Variants in PAX5 observed in about 807,000 individuals in gnomAD.
PAX5 encodes paired box protein Pax-5.
In PAX5, 9 loss-of-function variants were observed where a neutral mutation model predicts 43.7. That is an observed-to-expected ratio of 0.21 (90% CI 0.12 to 0.36). PAX5 has a LOEUF of 0.36. Among genes scored for constraint, PAX5 ranks in the 10% least tolerant of loss-of-function variants. The probability of loss-of-function intolerance (pLI) is 1.00; values close to 1 mark genes in which losing one functional copy is unlikely to be tolerated. For missense variants in PAX5, 383 were observed against 532.7 expected, an observed-to-expected ratio of 0.72 and a Z score of 2.77; for synonymous variants, 228 against 214.3, an observed-to-expected ratio of 1.06 and a Z score of -0.56.
chr9:36,997,435 C>A (rs1041954184), intron 5 of PAX5, among the ~76,000 whole-genome samples: 1 of 152,184 alleles, frequency 6.6e-6, no homozygotes, highest in East Asian at 1.9e-4. Flanking sequence ...GGGAGGGGAC[C>A]TAAGTGGGGA....
In PAX5 at chr9:37,002,758, G is replaced by A. The variant is rs1234226210; in HGVS notation, c.494C>T (p.Thr165Met). The change falls in exon 5 of 10, where the codon ACG (threonine) becomes ATG (methionine). Residue 165 changes from threonine to methionine, a missense_variant. By Grantham distance (81) the Thr-to-Met change is moderately conservative (BLOSUM62 -1). Transcript: ENST00000358127. ...SHSIVSTGSV[T>M]QVSSVSTDSA... ...ATCCGTGCTCACCGAGGACACCTGC[G>A]TCACGGAGCCAGTGGACACTGCGCG... 6.2e-7 allele frequency: 1 copy of A among 1,609,730 alleles called. No homozygotes were observed. The highest frequency in any genetic ancestry group is 8.5e-7 in the Non-Finnish European group (1 of 1,178,632).
At chr9:36,846,352 A>G (rs1405639798) in intron 9 of PAX5, among the ~76,000 whole-genome samples, 1 of 152,188 alleles carries the variant, frequency 6.6e-6, no homozygotes, top group Non-Finnish European at 1.5e-5. Context: ...ACCAGGTTCT[A>G]ACAGAGCCGG....
At chr9:36,872,014 A>G (rs537048860) in intron 8 of PAX5, among the ~76,000 whole-genome samples, 2 of 152,342 alleles carry the variant, frequency 1.3e-5, no homozygotes, top group South Asian at 2.1e-4. Flanking sequence ...CTTTGCTTTC[A>G]AAGATGGAAC....
intron 6 of PAX5, among the ~76,000 whole-genome samples, chr9:36,949,216 A>G (rs535329737): frequency 7.0e-6 from 1 of 142,676 alleles, no homozygotes; most frequent in Non-Finnish European, 1.6e-5. Flanking sequence ...GCCCGCCACC[A>G]CGCCTGGCTA....
chr9:36,885,988 G>A (rs1452635636), intron 7 of PAX5, among the ~76,000 whole-genome samples: 1 of 152,136 alleles, frequency 6.6e-6, no homozygotes, highest in Non-Finnish European at 1.5e-5. Context: ...TCTGGCCAAT[G>A]GGATGGGAGC....
intron 7 of PAX5, among the ~76,000 whole-genome samples, chr9:36,887,403 C>A (rs1289722369): frequency 6.6e-6 from 1 of 151,990 alleles, no homozygotes; most frequent in Non-Finnish European, 1.5e-5. Context: ...CAAATATGGA[C>A]TTTTTATAAA....
chr9:36,882,195 T>C lies in PAX5; in HGVS notation c.911-90A>G. The C allele has an allele frequency of 9.0e-7, 1 of 1,105,322 alleles. No individual in the cohort carries two copies. The highest frequency in any genetic ancestry group is 1.6e-5 in the South Asian group (1 of 62,922). 68.5% of individuals were successfully genotyped at this position (1,105,322 alleles called of 1,614,324 possible). A position where few individuals can be genotyped will look rare whatever the true frequency, so the allele number is the denominator to read the frequency against. ...CTCCCTGGACGCTTCTGCACATTTG[T>C]CACGTTTGGACGCTGAACGGCAATG... On this transcript the variant is annotated intron_variant, in intron 7 of 9. Coordinates refer to ENST00000358127, the MANE Select transcript of PAX5 (RefSeq NM_016734.3). The surrounding 1 kb of genome is among the most constrained non-coding windows in gnomAD (Gnocchi z 4.4).
rs1459310939 is a variant in PAX5 at position 36,882,410 on chromosome 9, T to TA, written c.911-306_911-305insT. 6.6e-6 allele frequency among the ~76,000 whole-genome samples: 1 copy of TA among 152,070 alleles called. No individual in the cohort carries two copies. Among genetic ancestry groups the TA allele is most frequent in the East Asian group, 1.9e-4 (1 of 5,176 alleles). On this transcript the variant is annotated intron_variant, in intron 7 of 9. Transcript: ENST00000358127. This position sits in a 1 kb window ranked among gnomAD's most constrained non-coding sequence, Gnocchi z 4.4. ...GCTTGGGGAGGCTAGGCAATGCAGG[T>TA]GACAGCACGCCCCGACTCCAGCCAG... is the stretch of plus-strand genomic sequence containing the variant.
chr9:36,957,018 T>TC (rs5897667), intron 6 of PAX5, among the ~76,000 whole-genome samples: 2 of 13,280 alleles, frequency 1.5e-4, no homozygotes, highest in Middle Eastern at 0.033. Context: ...AGAAGCCTTG[T>TC]CCCCCCCACT....
At chr9:36,937,999 C>A (rs1028940880) in intron 6 of PAX5, among the ~76,000 whole-genome samples, 1 of 152,214 alleles carries the variant, frequency 6.6e-6, no homozygotes, top group South Asian at 2.1e-4. Flanking sequence ...AGGTGATATT[C>A]TGGCTTCTAG....
chr9:36,930,216 CTTTTTTTTTTT>C (rs144710055), intron 6 of PAX5, among the ~76,000 whole-genome samples: 41 of 85,542 alleles, frequency 4.8e-4, no homozygotes, highest in African/African-American at 1.7e-3. Context: ...GATGGATGTC[CTTTTTTTTTTT>C]TTTTTTTTTT....
intron 8 of PAX5, among the ~76,000 whole-genome samples, chr9:36,859,346 G>C (rs900207803): frequency 6.6e-6 from 1 of 152,182 alleles, no homozygotes; most frequent in Non-Finnish European, 1.5e-5. Context: ...AGGGAAGGGA[G>C]AGTTATTTCT....
intron 8 of PAX5, among the ~76,000 whole-genome samples, chr9:36,878,031 G>A (rs528073349): frequency 6.6e-6 from 1 of 152,172 alleles, no homozygotes; most frequent in Non-Finnish European, 1.5e-5. Context: ...GGAATGCCGG[G>A]AACGAACCAC....
In PAX5 at chr9:36,986,962, G is replaced by A. The variant is rs575497096; in HGVS notation, c.604+15686C>T. Among the ~76,000 whole-genome samples, 32 of 152,336 alleles carry A rather than the reference G, an allele frequency of 2.1e-4. 1 individual carries two copies. The South Asian group carries it at 6.4e-3, about 31-fold the overall frequency. On this transcript the variant is annotated intron_variant, in intron 5 of 9. Transcript: ENST00000358127. The stretch of plus-strand genomic sequence containing the variant: ...TGCCCAGTGCCTGGGTGTCCAGAGG[G>A]AGGAAGGCCTGGCAGCATCACCAGC...
At chr9:36,861,255 C>G (rs536594757) in intron 8 of PAX5, 1 of 151,746 alleles carries the variant, frequency 6.6e-6, no homozygotes, top group South Asian at 2.1e-4. Flanking sequence ...TACTAGGTAC[C>G]AGGCCCACTG....
At chr9:36,968,883 T>C (rs10121384) in intron 5 of PAX5, among the ~76,000 whole-genome samples, 112,372 of 152,074 alleles carry the variant, frequency 0.74, 41,912 homozygotes, top group South Asian at 0.86. Flanking sequence ...ACCCACCAAA[T>C]GATCCTTTTC....
chr9:37,028,227 C>T (rs769016353), intron 1 of PAX5, among the ~76,000 whole-genome samples: 41 of 152,224 alleles, frequency 2.7e-4, no homozygotes, highest in Admixed American at 5.2e-4. Flanking sequence ...TGCATATCTG[C>T]CAGTTCTGAC....
At chr9:37,024,298 G>A (rs1296164352) in intron 1 of PAX5, among the ~76,000 whole-genome samples, 1 of 152,092 alleles carries the variant, frequency 6.6e-6, no homozygotes, top group Non-Finnish European at 1.5e-5. Context: ...AAACTCAGAA[G>A]CCCATTTCCT....
At chr9:36,867,151 G>T (rs1000251472) in intron 8 of PAX5, among the ~76,000 whole-genome samples, 2 of 152,054 alleles carry the variant, frequency 1.3e-5, no homozygotes, top group African/African-American at 4.8e-5. Flanking sequence ...GCTCGTTCCT[G>T]GGGAGTTCTT....
Sources: gnomAD v4.1 joint callset for allele counts (sites outside exome capture counted in the v4.1 genomes callset) on GRCh38, gnomAD v4.1.1 for gene constraint, Gnocchi (gnomAD v3.1) non-coding constraint, MANE v1.5 for transcripts, NCBI Gene and HGNC (gene_info 2026-07-23, HGNC 2026-07-21) for gene names.